KIRREL3: variants seen among roughly 807,000 people sequenced by gnomAD.
KIRREL3 encodes kin of IRRE-like protein 3.
Under a neutral mutation model 89.7 loss-of-function variants are expected in KIRREL3, and 36 were observed. The ratio of observed to expected loss-of-function variants is 0.40; its 90% CI spans 0.31 to 0.53. KIRREL3 has a LOEUF of 0.53. Among genes scored for constraint, KIRREL3 ranks in the 20% least tolerant of loss-of-function variants. The pLI is 0.49. For missense variants in KIRREL3, 864 were observed against 1,056.6 expected (o/e 0.82, Z 2.53); for synonymous variants, 445 against 441.4 (o/e 1.01, Z -0.10).
At chr11:126,436,696 TG>T (rs1171676244) in intron 12 of KIRREL3, 114 bp downstream of exon 12, 5 of 1,099,062 alleles carry the variant, frequency 4.5e-6, no homozygotes, top group Admixed American at 2.0e-5. Flanking sequence ...AAGAGCACTG[TG>T]GCTTGTCCTT....
rs530727076 is a variant in KIRREL3, at chr11:126,711,767, A to G, written c.56-148855T>C. ...GGCTCAGGAATCTATATTTTTAACC[A>G]GTTCCCACTGTGCGAGGATGCTGTG... On this transcript the variant is annotated intron_variant, in intron 1 of 16. Transcript: ENST00000525144. Among the ~76,000 whole-genome samples the G allele has an allele frequency of 7.2e-5, 11 of 152,352 alleles. No individual in the cohort carries two copies. The East Asian group carries it at 2.1e-3, about 29-fold the overall frequency.
rs1941123732 is a variant in KIRREL3 at position 126,574,102 on chromosome 11, G to C, written c.56-11190C>G. On this transcript the variant is annotated intron_variant, in intron 1 of 16. Coordinates refer to ENST00000525144, the MANE Select transcript of KIRREL3 (RefSeq NM_032531.4). The surrounding 1 kb of genome is among the most constrained non-coding windows in gnomAD (Gnocchi z 5.3). Reference sequence around the variant, plus strand: ...ATCGGTTGCGGAATGTGGAAACCAGGTTAACTGAGTATTATTGGCAACTAA... The same window carrying C: ...ATCGGTTGCGGAATGTGGAAACCAGCTTAACTGAGTATTATTGGCAACTAA... Among the ~76,000 whole-genome samples, 1 of 152,240 alleles carries C rather than the reference G, an allele frequency of 6.6e-6. No homozygotes were observed. The highest frequency in any genetic ancestry group is 1.5e-5 in the Non-Finnish European group (1 of 68,042).
rs767114950 is a variant in KIRREL3 at position 126,763,923 on chromosome 11, T to C, written c.56-201011A>G. 2.0e-4 allele frequency among the ~76,000 whole-genome samples: 30 copies of C among 152,170 alleles called. No homozygotes were observed. Among genetic ancestry groups the C allele is most frequent in the Non-Finnish European group, 2.9e-4 (20 of 68,026 alleles). ...TCCCACTCTCTTACCTTCTGCCCCC[T>C]GAATTTTTCCTCTCTTTTCCTGTAT... On this transcript the variant is annotated intron_variant, in intron 1 of 16. Transcript: ENST00000525144. The surrounding 1 kb of genome is among the most constrained non-coding windows in gnomAD (Gnocchi z 4.7).
At chr11:126,540,171 C>A (rs1938244297) in intron 2 of KIRREL3, among the ~76,000 whole-genome samples, 1 of 152,140 alleles carries the variant, frequency 6.6e-6, no homozygotes, top group Non-Finnish European at 1.5e-5. Flanking sequence ...GGGAGAGAGA[C>A]AAAGAAACAC....
rs1043684847 is a variant in KIRREL3 at position 126,496,820 on chromosome 11, T to A, written c.434-23354A>T. On this transcript the variant is annotated intron_variant, in intron 4 of 16. Coordinates refer to ENST00000525144, the MANE Select transcript of KIRREL3 (RefSeq NM_032531.4). The surrounding 1 kb of genome is among the most constrained non-coding windows in gnomAD (Gnocchi z 4.9). Reference sequence around the variant, plus strand: ...CTCAGCCAGGGGACTGAGACATAGGTCACAAATCTAGGAGACTTCTCTCTG... The same window carrying A: ...CTCAGCCAGGGGACTGAGACATAGGACACAAATCTAGGAGACTTCTCTCTG... 6.6e-6 allele frequency among the ~76,000 whole-genome samples: 1 copy of A among 151,908 alleles called. No individual in the cohort carries two copies. Among genetic ancestry groups the A allele is most frequent in the African/African-American group, 2.4e-5 (1 of 41,300 alleles).
At chr11:126,961,990 C>A (rs1949102060) in intron 1 of KIRREL3, among the ~76,000 whole-genome samples, 1 of 152,230 alleles carries the variant, frequency 6.6e-6, no homozygotes. Context: ...CTGTTGAGAA[C>A]TACTGCTCAG....
chr11:126,653,374 GTTTGTAAGTAGGCA>G lies in KIRREL3; in HGVS notation c.56-90476_56-90463del, dbSNP rs776499144. On this transcript the variant is annotated intron_variant, in intron 1 of 16. Transcript: ENST00000525144. This position sits in a 1 kb window ranked among gnomAD's most constrained non-coding sequence, Gnocchi z 5.4. ...GAAGCCAAGCCCCTGTGCTGCCTCAGTTTGTAAGTAGGCATTTGACCTTGTGGGGAATCACTCTC... is the reference window on the plus strand; with the variant it reads ...GAAGCCAAGCCCCTGTGCTGCCTCAGTTTGACCTTGTGGGGAATCACTCTC... Among the ~76,000 whole-genome samples, 9 of 92,462 alleles carry G rather than the reference GTTTGTAAGTAGGCA, an allele frequency of 9.7e-5. No homozygotes were observed. Among genetic ancestry groups the G allele is most frequent in the Non-Finnish European group, 2.7e-4 (9 of 33,100 alleles). The allele number at this position is 92,462 out of a possible 152,430, so 60.7% of individuals were successfully genotyped here.
chr11:126,950,639 C>A (rs1212849300), intron 1 of KIRREL3, among the ~76,000 whole-genome samples: 3 of 152,230 alleles, frequency 2.0e-5, no homozygotes, highest in African/African-American at 7.2e-5. Flanking sequence ...TAGAAAGTTA[C>A]ATTCTCCTTA....
chr11:126,813,457 G>T (rs1951456338), intron 1 of KIRREL3, among the ~76,000 whole-genome samples: 1 of 152,112 alleles, frequency 6.6e-6, no homozygotes. Flanking sequence ...GATATTTTTG[G>T]TTAAAAAGTT....
At chr11:126,820,914 A>T (rs1943190379) in intron 1 of KIRREL3, among the ~76,000 whole-genome samples, 1 of 152,102 alleles carries the variant, frequency 6.6e-6, no homozygotes, top group Non-Finnish European at 1.5e-5. Flanking sequence ...TAAAGGTTTT[A>T]TATCTCAAGG....
At position 126,515,132 on chromosome 11, in the gene KIRREL3, C is replaced by T. The variant is rs1958367889; in HGVS notation, c.433+6183G>A. 6.6e-6 allele frequency among the ~76,000 whole-genome samples: 1 copy of T among 152,120 alleles called. No individual in the cohort carries two copies. The highest frequency in any genetic ancestry group is 2.4e-5 in the African/African-American group (1 of 41,416). ...CGTGTCGAGACCTGTAATCAAGGTGCATAAGGAGGCTGGGCGCGATGGCTC... is the reference window on the plus strand; with the variant it reads ...CGTGTCGAGACCTGTAATCAAGGTGTATAAGGAGGCTGGGCGCGATGGCTC... On this transcript the variant is annotated intron_variant, in intron 4 of 16. Transcript: ENST00000525144. This position sits in a 1 kb window ranked among gnomAD's most constrained non-coding sequence, Gnocchi z 4.2.
intron 4 of KIRREL3, among the ~76,000 whole-genome samples, chr11:126,518,307 C>T (rs570754260): frequency 2.6e-5 from 4 of 152,222 alleles, no homozygotes; most frequent in South Asian, 2.1e-4. Context: ...CATCTGAGCA[C>T]GCTGCCGGCA....
In KIRREL3 at chr11:126,794,685, T is replaced by C. The variant is rs920699565; in HGVS notation, c.55+205770A>G. 4.6e-5 allele frequency among the ~76,000 whole-genome samples: 7 copies of C among 152,368 alleles called. No homozygotes were observed. In the East Asian group the frequency reaches 1.3e-3, roughly 29 times the overall value. On this transcript the variant is annotated intron_variant, in intron 1 of 16. Transcript: ENST00000525144. The stretch of plus-strand genomic sequence containing the variant: ...TGGTACGGCCACGTGGAAGACACTT[T>C]GGTACCTTCTTACAAAACGAAACAG...
Position 126,955,208 on chromosome 11 carries a change from G to C in KIRREL3, c.55+45247C>G, listed in dbSNP as rs1475747365. ...AACAGGGTAACGTGGTAATGAAGGA[G>C]ATGGCAAAGTGAAAAGCAAGTTGCT... On this transcript the variant is annotated intron_variant, in intron 1 of 16. Coordinates refer to ENST00000525144, the MANE Select transcript of KIRREL3 (RefSeq NM_032531.4). The surrounding 1 kb of genome is among the most constrained non-coding windows in gnomAD (Gnocchi z 4.6). Among the ~76,000 whole-genome samples the C allele has an allele frequency of 2.0e-5, 3 of 152,208 alleles. No homozygotes were observed.
At position 126,876,494 on chromosome 11, in the gene KIRREL3, C is replaced by T. The variant is rs572296528; in HGVS notation, c.55+123961G>A. 1.5e-3 allele frequency among the ~76,000 whole-genome samples: 235 copies of T among 151,912 alleles called. 1 individual carries two copies. Among genetic ancestry groups the T allele is most frequent in the Non-Finnish European group, 2.7e-3 (185 of 67,986 alleles). ...TCCCTGCTCACTGTTGCACCTGATACACCTATCCTAGTGCTTGGCTTACAG... is the reference window on the plus strand; with the variant it reads ...TCCCTGCTCACTGTTGCACCTGATATACCTATCCTAGTGCTTGGCTTACAG... On this transcript the variant is annotated intron_variant, in intron 1 of 16. Transcript: ENST00000525144. This position sits in a 1 kb window ranked among gnomAD's most constrained non-coding sequence, Gnocchi z 4.1.
chr11:126,683,546 G>A lies in KIRREL3; in HGVS notation c.56-120634C>T, dbSNP rs893621412. Among the ~76,000 whole-genome samples the A allele has an allele frequency of 1.2e-4, 18 of 152,176 alleles. No individual in the cohort carries two copies. The highest frequency in any genetic ancestry group is 2.4e-4 in the Non-Finnish European group (16 of 68,034). ...TATCTGCAAAATGGGAAGAGTAAGG[G>A]CACCCATCTTGGAGGAGATTTGGCA... On this transcript the variant is annotated intron_variant, in intron 1 of 16. Transcript: ENST00000525144. This position sits in a 1 kb window ranked among gnomAD's most constrained non-coding sequence, Gnocchi z 5.2.
At chr11:126,590,268 CTAG>C (rs149946947) in intron 1 of KIRREL3, among the ~76,000 whole-genome samples, 84,114 of 151,416 alleles carry the variant, frequency 0.56, 24,054 homozygotes, top group African/African-American at 0.7. Flanking sequence ...CAAGCAAAGC[CTAG>C]AAGAAGAACA....
At chr11:126,593,244 C>A (rs1019051911) in intron 1 of KIRREL3, among the ~76,000 whole-genome samples, 2 of 152,232 alleles carry the variant, frequency 1.3e-5, no homozygotes, top group African/African-American at 4.8e-5. Flanking sequence ...TTGACTGACT[C>A]ATCGGTCACT....
intron 1 of KIRREL3, among the ~76,000 whole-genome samples, chr11:126,596,781 C>A (rs771180953): frequency 1.3e-5 from 2 of 152,166 alleles, no homozygotes; most frequent in Non-Finnish European, 2.9e-5. Flanking sequence ...ATGAAAGCAA[C>A]TATTAATAAG....
Sources: allele counts gnomAD v4.1 joint callset (sites outside exome capture counted in the v4.1 genomes callset), GRCh38; gene constraint gnomAD v4.1.1; non-coding constraint Gnocchi (gnomAD v3.1); transcripts MANE v1.5; gene names NCBI Gene and HGNC (gene_info 2026-07-23, HGNC 2026-07-21).